Variants in DPYD observed in about 807,000 individuals in gnomAD.
The protein encoded by DPYD is dihydropyrimidine dehydrogenase [NADP(+)].
DPYD carries 109 observed loss-of-function variants against 116.2 expected under a neutral mutation model. The ratio of observed to expected loss-of-function variants is 0.94; its 90% CI spans 0.80 to 1.10. The LOEUF is 1.10. Ranked by LOEUF, DPYD falls within the 50% of genes least tolerant of loss-of-function variation. The pLI, the probability that DPYD is intolerant of heterozygous loss-of-function variation, is 0.00. For missense variants in DPYD, 1,302 were observed against 1,254.5 expected (o/e 1.04, Z -0.57); for synonymous variants, 440 against 432.0 (o/e 1.02, Z -0.23).
chr1:97,842,258 C>A (rs566983188), intron 2 of DPYD, among the ~76,000 whole-genome samples: 1 of 151,834 alleles, frequency 6.6e-6, no homozygotes, highest in Non-Finnish European at 1.5e-5. Flanking sequence ...TCAACTTGAA[C>A]TGAATAGCTA....
intron 1 of DPYD, among the ~76,000 whole-genome samples, chr1:97,890,608 T>C (rs1324512235): frequency 1.3e-5 from 2 of 151,918 alleles, no homozygotes. Flanking sequence ...GTGAAAACAT[T>C]TTCTTATTCC....
chr1:97,605,541 T>C (rs1442800737), intron 8 of DPYD, among the ~76,000 whole-genome samples: 1 of 152,054 alleles, frequency 6.6e-6, no homozygotes, highest in African/African-American at 2.4e-5. Flanking sequence ...TCCCCAGCAA[T>C]GTGAAACTGT....
rs573838694 is a variant in DPYD at position 97,759,727 on chromosome 1, C to T, written c.234-19248G>A. On this transcript the variant is annotated intron_variant, in intron 3 of 22. Transcript: ENST00000370192. ...GTTGTCCTAAATTGATATACTGTTA[C>T]TAAAGGCATGATTCTGATTTAATTC... is the stretch of plus-strand genomic sequence containing the variant. Among the ~76,000 whole-genome samples, 3 of 152,162 alleles carry T rather than the reference C, an allele frequency of 2.0e-5. No homozygotes were observed. In the South Asian group the frequency reaches 6.2e-4, roughly 32 times the overall value.
chr1:97,225,555 A>C (rs1342657918), intron 19 of DPYD, among the ~76,000 whole-genome samples: 1 of 140,632 alleles, frequency 7.1e-6, no homozygotes, highest in African/African-American at 2.7e-5. Flanking sequence ...TTTTGAAATC[A>C]GGTTGTTTTT....
chr1:97,628,298 C>T (rs1657054335), intron 8 of DPYD, among the ~76,000 whole-genome samples: 3 of 152,058 alleles, frequency 2.0e-5, no homozygotes, highest in African/African-American at 7.2e-5. Flanking sequence ...TCATTCCTCC[C>T]TATACCTTGA....
In DPYD at chr1:97,265,820, A is replaced by T. The variant is rs958931619; in HGVS notation, c.2300-30826T>A. On this transcript the variant is annotated intron_variant, in intron 18 of 22. Coordinates refer to ENST00000370192, the MANE Select transcript of DPYD (RefSeq NM_000110.4). ...TTTCAAACATGTACTCTATCTACTC[A>T]TAAGTTAGAAAATTTTGATACTCTC... Among the ~76,000 whole-genome samples, 188 of 152,218 alleles carry T rather than the reference A, an allele frequency of 1.2e-3. 1 individual carries two copies. Among genetic ancestry groups the T allele is most frequent in the African/African-American group, 4.3e-3 (178 of 41,548 alleles).
chr1:97,149,254 CT>C lies in DPYD; in HGVS notation c.2622+43814del, dbSNP rs1017236185. 8.6e-5 allele frequency among the ~76,000 whole-genome samples: 13 copies of C among 151,952 alleles called. No homozygotes were observed. The East Asian group carries it at 1.4e-3, about 16-fold the overall frequency. On this transcript the variant is annotated intron_variant, in intron 20 of 22. Coordinates refer to ENST00000370192, the MANE Select transcript of DPYD (RefSeq NM_000110.4). ...TGTTTCACTTGTGAAATAGAGATAA[CT>C]TTTTTTATTTTTTTGTAACAGAGTC...
chr1:97,615,291 C>T (rs1656196548), intron 8 of DPYD, among the ~76,000 whole-genome samples: 1 of 152,104 alleles, frequency 6.6e-6, no homozygotes, highest in African/African-American at 2.4e-5. Context: ...TTCACACTTT[C>T]TGTCTTTTTG....
intron 20 of DPYD, among the ~76,000 whole-genome samples, chr1:97,107,270 AG>A (rs1296006423): frequency 1.3e-5 from 2 of 152,152 alleles, no homozygotes; most frequent in African/African-American, 2.4e-5. Flanking sequence ...AAAATTACAT[AG>A]GAACTTTGTT....
chr1:97,719,253 G>A (rs964951888), intron 5 of DPYD, among the ~76,000 whole-genome samples: 1 of 150,730 alleles, frequency 6.6e-6, no homozygotes, highest in Non-Finnish European at 1.5e-5. Flanking sequence ...TTCCACTATG[G>A]TCCCTCCAAA....
chr1:97,434,243 A>G (rs1378205978), intron 14 of DPYD, among the ~76,000 whole-genome samples: 1 of 152,138 alleles, frequency 6.6e-6, no homozygotes, highest in Non-Finnish European at 1.5e-5. Context: ...TATATAGATC[A>G]GAAACTCCCC....
intron 19 of DPYD, among the ~76,000 whole-genome samples, chr1:97,233,390 C>G (rs1182294641): frequency 1.3e-5 from 2 of 152,112 alleles, no homozygotes; most frequent in Middle Eastern, 3.2e-3. Flanking sequence ...CCTCATTACT[C>G]TCAGGTGAGG....
At chr1:97,450,418 G>A (rs990863839) in intron 13 of DPYD, among the ~76,000 whole-genome samples, 195 bp from the exon 14 acceptor site, 2 of 152,042 alleles carry the variant, frequency 1.3e-5, no homozygotes, top group African/African-American at 4.8e-5. Flanking sequence ...GTATTTGTTA[G>A]CTTTAGCTAA....
At chr1:97,703,261 A>G (rs1279266819) in intron 5 of DPYD, among the ~76,000 whole-genome samples, 1 of 152,044 alleles carries the variant, frequency 6.6e-6, no homozygotes, top group Admixed American at 6.6e-5. Context: ...TCAGCACAAC[A>G]GATGGTATAT....
At chr1:97,290,665 C>T (rs1353828783) in intron 18 of DPYD, among the ~76,000 whole-genome samples, 1 of 152,110 alleles carries the variant, frequency 6.6e-6, no homozygotes, top group Admixed American at 6.5e-5. Context: ...CCCTTCCTTA[C>T]ACCTTATACA....
chr1:97,663,922 T>C lies in DPYD; in HGVS notation c.850+15173A>G, dbSNP rs1450948047. On this transcript the variant is annotated intron_variant, in intron 8 of 22. Transcript: ENST00000370192. ...AGTCTAGGATGAATGAATAGAAATA[T>C]ATACATGTAAGTGAGCAAAATTTTT... Among the ~76,000 whole-genome samples the C allele has an allele frequency of 2.0e-5, 3 of 152,208 alleles. No individual in the cohort carries two copies. In the East Asian group the frequency reaches 5.8e-4, roughly 29 times the overall value.
chr1:97,785,708 T>TTTG (rs1201283516), intron 3 of DPYD, among the ~76,000 whole-genome samples: 1 of 143,994 alleles, frequency 6.9e-6, no homozygotes, highest in Non-Finnish European at 1.5e-5. Flanking sequence ...TTTTTTTTTT[T>TTTG]TTTAGACGGA....
intron 15 of DPYD, among the ~76,000 whole-genome samples, chr1:97,374,817 C>T (rs562164773): frequency 4.8e-5 from 7 of 146,430 alleles, no homozygotes; most frequent in African/African-American, 1.3e-4. Context: ...ATTGCCTGAG[C>T]TTAGGATTTC....
At chr1:97,754,631 T>C (rs558759847) in intron 3 of DPYD, among the ~76,000 whole-genome samples, 3 of 152,314 alleles carry the variant, frequency 2.0e-5, no homozygotes, top group South Asian at 2.1e-4. Flanking sequence ...CAAATGTCTA[T>C]AGAGCACTTA....
Sources: allele counts gnomAD v4.1 joint callset (sites outside exome capture counted in the v4.1 genomes callset), GRCh38; gene constraint gnomAD v4.1.1; transcripts MANE v1.5; gene names NCBI Gene and HGNC (gene_info 2026-07-23, HGNC 2026-07-21).